Variants in NUP214 observed in about 807,000 individuals in gnomAD.
NUP214 encodes the protein nucleoporin 214, also known as nuclear pore complex protein Nup214.
Under a neutral mutation model 196.2 loss-of-function variants are expected in NUP214, and 79 were observed. The observed-to-expected ratio is 0.40, with a 90% confidence interval of 0.34 to 0.49. The LOEUF (loss-of-function observed/expected upper bound fraction) is 0.49, where lower values mean the gene tolerates loss of function less well. NUP214 is among the 20% of genes least tolerant of loss of function. NUP214 has a pLI of 0.58. For synonymous variants in NUP214, 1,020 were observed against 990.5 expected, an observed-to-expected ratio of 1.03 and a Z score of -0.56; for missense variants, 2,468 against 2,539.0, an observed-to-expected ratio of 0.97 and a Z score of 0.60.
intron 16 of NUP214, 151 bp downstream of exon 16, chr9:131,150,916 A>C (rs1164461628): frequency 1.4e-6 from 1 of 716,988 alleles, no homozygotes; most frequent in Non-Finnish European, 2.3e-6. Context: ...AGAATCCCTG[A>C]GTTCAAATCC....
intron 2 of NUP214, 74 bp from the exon 3 acceptor site, chr9:131,128,258 T>C: frequency 6.9e-7 from 1 of 1,446,412 alleles, no homozygotes. Context: ...TTTTTTCACA[T>C]CGAACTGGAT....
At position 131,150,660 on chromosome 9, in the gene NUP214, T is replaced by G; in HGVS notation, c.2172T>G (p.Thr724=). Residue 724 remains threonine, a synonymous_variant, in exon 16 of 36, where the codon ACT becomes ACG. Coordinates refer to ENST00000359428, the MANE Select transcript of NUP214 (RefSeq NM_005085.4). ...QKELEELKAR[T]SKACFQVGTS... is the part of the protein sequence containing the mutation. ...AGTTGGAAGAGTTAAAAGCCCGAAC[T>G]TCCAAAGCCTGTTTCCAAGTGGGCA... 6.2e-7 allele frequency: 1 copy of G among 1,614,078 alleles called. No homozygotes were observed.
intron 24 of NUP214, among the ~76,000 whole-genome samples, chr9:131,180,642 C>T (rs985116161): frequency 1.3e-5 from 2 of 152,120 alleles, no homozygotes; most frequent in Admixed American, 6.5e-5. Context: ...GTTTATCTGG[C>T]GCCAACCCAC....
At chr9:131,213,143 T>C (rs1474148497) in intron 30 of NUP214, among the ~76,000 whole-genome samples, 1 of 152,162 alleles carries the variant, frequency 6.6e-6, no homozygotes, top group Non-Finnish European at 1.5e-5. Flanking sequence ...AGTGATCTAC[T>C]TCATTTTCAT....
At position 131,150,325 on chromosome 9, in the gene NUP214, C is replaced by G. The variant is rs1832219928; in HGVS notation, c.2042C>G (p.Ala681Gly). ...TTAAACCTTTTCCTTCCATTTCAGG[C>G]AAAGTCACTTCAGCCTGCTGTTGCA... ...PPAAKPGSPQAKSLQPAVAEK... is the reference protein window; with the variant it reads ...PPAAKPGSPQGKSLQPAVAEK... Residue 681 changes from alanine to glycine, a missense_variant and splice_region_variant, in exon 15 of 36, where the codon GCA becomes GGA. Ala to Gly is a moderately conservative substitution (Grantham distance 60). Coordinates refer to ENST00000359428, the MANE Select transcript of NUP214 (RefSeq NM_005085.4). The G allele has an allele frequency of 4.3e-6, 7 of 1,614,008 alleles. No individual in the cohort carries two copies. The South Asian group carries it at 7.7e-5, about 18-fold the overall frequency.
rs768725352 is a variant in NUP214, at chr9:131,127,514, T to A, written c.46-10T>A. 2.4e-5 allele frequency: 38 copies of A among 1,594,574 alleles called. No homozygotes were observed. Among genetic ancestry groups the A allele is most frequent in the Non-Finnish European group, 2.9e-5 (34 of 1,170,336 alleles). ...TATTGAATTGATCTCGTTTTGATTC[T>A]TCACAACAGGATTTTCAGTTTAGAG... On this transcript the variant is annotated splice_polypyrimidine_tract_variant and intron_variant, in intron 1 of 35. Transcript: ENST00000359428.
At position 131,159,453 on chromosome 9, in the gene NUP214, G is replaced by A. The variant is rs763644557; in HGVS notation, c.2507G>A (p.Trp836Ter). 3.1e-6 allele frequency: 5 copies of A among 1,613,982 alleles called. No individual in the cohort carries two copies. The change falls in exon 18 of 36, where the codon TGG becomes TAG. Residue 836 changes from tryptophan (W) to a stop codon, truncating the protein, a stop_gained. Coordinates refer to ENST00000359428, the MANE Select transcript of NUP214 (RefSeq NM_005085.4). LOFTEE classifies it high-confidence loss of function. The part of the protein sequence containing the change: ...QDVNDVLDLE[W>*]DQHLEQKKKQ... Reference sequence around the variant, plus strand: ...GTGAATGATGTTCTAGACTTGGAGTGGGATCAGCATCTGGAACAAAAGAAA... The same window carrying A: ...GTGAATGATGTTCTAGACTTGGAGTAGGATCAGCATCTGGAACAAAAGAAA...
In NUP214 at chr9:131,146,021, T is replaced by TTAACTTACA; in HGVS notation, c.1770-108_1770-107insTAACTTACA. The TTAACTTACA allele has an allele frequency of 9.6e-7, 1 of 1,042,582 alleles. No individual in the cohort carries two copies. Among genetic ancestry groups the TTAACTTACA allele is most frequent in the Non-Finnish European group, 1.4e-6 (1 of 715,392 alleles). 64.6% of individuals were successfully genotyped at this position (1,042,582 alleles called of 1,614,324 possible). On this transcript the variant is annotated intron_variant, in intron 12 of 35. Transcript: ENST00000359428. The surrounding 1 kb of genome is among the most constrained non-coding windows in gnomAD (Gnocchi z 4.6). ...GAAGGCAAAAAGTATGTTATCTTTG[T>TTAACTTACA]AAGTTAACATAAAAGATAATAAGTT...
rs548735255 is a variant in NUP214 at position 131,233,636 on chromosome 9, G to A, written c.*149G>A. On this transcript the variant is annotated 3_prime_UTR_variant, in exon 36 of 36. Transcript: ENST00000359428. ...CAACAGAAACCAAAACTCACAAGGC[G>A]CATGATTACTTGTTTTATATTTCAT... The A allele has an allele frequency of 2.6e-5, 21 of 798,146 alleles. No individual in the cohort carries two copies. Among genetic ancestry groups the A allele is most frequent in the Middle Eastern group, 2.2e-4 (1 of 4,520 alleles). 49.4% of individuals were successfully genotyped at this position (798,146 alleles called of 1,614,324 possible).
rs959321599 is a variant in NUP214, at chr9:131,218,200, A to G, written c.5749+2832A>G. Among the ~76,000 whole-genome samples, 11 of 152,226 alleles carry G rather than the reference A, an allele frequency of 7.2e-5. No homozygotes were observed. The East Asian group carries it at 2.1e-3, about 29-fold the overall frequency. On this transcript the variant is annotated intron_variant, in intron 31 of 35. Transcript: ENST00000359428. ...GAGTAGAGGAAACACTTAACATTGT[A>G]TTATTTTAAAAACTATATGATTTTA...
chr9:131,151,019 C>G (rs1832243217), intron 16 of NUP214, among the ~76,000 whole-genome samples: 2 of 152,142 alleles, frequency 1.3e-5, no homozygotes, highest in African/African-American at 4.8e-5. Context: ...GACTAAGTTT[C>G]TATCCCTTTG....
chr9:131,195,143 TTGTA>T, intron 27 of NUP214, 86 bp from the exon 28 acceptor site: 1 of 910,054 alleles, frequency 1.1e-6, no homozygotes, highest in Non-Finnish European at 1.7e-6. Flanking sequence ...TGAGGGCGGT[TTGTA>T]TGAATGAATG....
chr9:131,169,881 T>C (rs899138310), intron 21 of NUP214, among the ~76,000 whole-genome samples: 2 of 152,220 alleles, frequency 1.3e-5, no homozygotes. Flanking sequence ...TGTTTTGCCT[T>C]TCTTGGTGTT....
Position 131,198,993 on chromosome 9 carries a change from G to A in NUP214, c.5499G>A (p.Gly1833=). The A allele has an allele frequency of 6.3e-7, 1 of 1,599,246 alleles. No homozygotes were observed. Among genetic ancestry groups the A allele is most frequent in the Non-Finnish European group, 8.5e-7 (1 of 1,171,250 alleles). The change falls in exon 29 of 36, where the codon GGG becomes GGA. Residue 1833 remains glycine, a synonymous_variant. Transcript: ENST00000359428. ...CCACCACAACAGCAGCAACCTCTGGGTTCAGCTTTTGCCAAGCTTCAGGTA... is the reference window on the plus strand; with the variant it reads ...CCACCACAACAGCAGCAACCTCTGGATTCAGCTTTTGCCAAGCTTCAGGTA... The part of the protein sequence containing the change: ...SAATTTAATS[G]FSFCQASGFG...
chr9:131,125,640 C>T lies in NUP214; in HGVS notation c.-65C>T, dbSNP rs1831323443. The T allele has an allele frequency of 1.3e-6, 2 of 1,547,380 alleles. No individual in the cohort carries two copies. The highest frequency in any genetic ancestry group is 1.7e-4 in the Middle Eastern group (1 of 5,962). On this transcript the variant is annotated 5_prime_UTR_variant, in exon 1 of 36. Transcript: ENST00000359428. This position sits in a 1 kb window ranked among gnomAD's most constrained non-coding sequence, Gnocchi z 4.1. ...GGGAGGAAGTTTGCTGTCGAGCGGC[C>T]TGGGTTCCGTGGGCAAGGCCGTGGG... is the stretch of plus-strand genomic sequence containing the variant.
In NUP214 at chr9:131,128,366, A is replaced by G. The variant is rs776512038; in HGVS notation, c.276A>G (p.Lys92=). 3.1e-6 allele frequency: 5 copies of G among 1,613,026 alleles called. No homozygotes were observed. The highest frequency in any genetic ancestry group is 4.5e-5 in the East Asian group (2 of 44,852). The change falls in exon 3 of 36, where the codon AAA becomes AAG. Residue 92 remains lysine, a synonymous_variant. Transcript: ENST00000359428. ...TCCAAGGCTTGCTAGTTCCTATGAA[A>G]TTCCCAATCCATCACCTGGCCTTGA... ...DKVQGLLVPM[K]FPIHHLALSC... is the part of the protein sequence containing the mutation.
At chr9:131,168,683 A>G (rs1832857134) in intron 21 of NUP214, among the ~76,000 whole-genome samples, 1 of 152,006 alleles carries the variant, frequency 6.6e-6, no homozygotes, top group African/African-American at 2.4e-5. Flanking sequence ...AGTTCATTCC[A>G]TTTTGTCATT....
chr9:131,174,813 T>TC (rs1390835347), intron 22 of NUP214, among the ~76,000 whole-genome samples: 10 of 152,140 alleles, frequency 6.6e-5, no homozygotes, highest in Non-Finnish European at 1.3e-4. Flanking sequence ...AGATGTGTGT[T>TC]CCCCTTGAAA....
At chr9:131,145,270 G>A (rs553567106) in intron 12 of NUP214, among the ~76,000 whole-genome samples, 14 of 152,170 alleles carry the variant, frequency 9.2e-5, no homozygotes, top group African/African-American at 3.4e-4. Flanking sequence ...GTTTCCTCCA[G>A]ATCTGGGTCG....
Sources: allele counts gnomAD v4.1 joint callset (sites outside exome capture counted in the v4.1 genomes callset), GRCh38; gene constraint gnomAD v4.1.1; non-coding constraint Gnocchi (gnomAD v3.1); transcripts MANE v1.5; gene names NCBI Gene and HGNC (gene_info 2026-07-23, HGNC 2026-07-21).